The following NR3C2 variants were observed in gnomAD, a reference collection of about 807,000 sequenced individuals.
NR3C2 encodes the protein mineralocorticoid receptor.
NR3C2 carries 15 observed loss-of-function variants against 86.4 expected under a neutral mutation model. The observed-to-expected ratio is 0.17, with a 90% CI of 0.12 to 0.27. NR3C2 has a LOEUF of 0.27. Among genes scored for constraint, NR3C2 ranks in the 10% least tolerant of loss-of-function variants. The pLI, the probability that NR3C2 is intolerant of heterozygous loss-of-function variation, is 1.00. For synonymous variants in NR3C2, 458 were observed against 450.5 expected (o/e 1.02, Z -0.21); for missense variants, 960 against 1,195.6 (o/e 0.80, Z 2.91).
chr4:148,112,531 G>A (rs895055931), intron 8 of NR3C2, among the ~76,000 whole-genome samples: 2 of 152,196 alleles, frequency 1.3e-5, no homozygotes, highest in Non-Finnish European at 1.5e-5. Flanking sequence ...GAGTCATGAA[G>A]AGCATAATTT....
At chr4:148,363,785 G>A (rs1264026233) in intron 2 of NR3C2, among the ~76,000 whole-genome samples, 1 of 152,116 alleles carries the variant, frequency 6.6e-6, no homozygotes, top group Non-Finnish European at 1.5e-5. Flanking sequence ...TTACAGGCGT[G>A]AGCCACCGCG....
intron 2 of NR3C2, among the ~76,000 whole-genome samples, chr4:148,299,558 G>C (rs1742229295): frequency 6.6e-6 from 1 of 152,218 alleles, no homozygotes; most frequent in South Asian, 2.1e-4. Flanking sequence ...TGGCCCAAAG[G>C]CCTGTGTGGC....
At chr4:148,141,815 T>A (rs903816803) in intron 6 of NR3C2, among the ~76,000 whole-genome samples, 2 of 152,138 alleles carry the variant, frequency 1.3e-5, no homozygotes, top group African/African-American at 4.8e-5. Flanking sequence ...ATGCTCCTTA[T>A]GAGAATCTAA....
At chr4:148,286,548 T>C (rs901990599) in intron 2 of NR3C2, among the ~76,000 whole-genome samples, 2 of 152,244 alleles carry the variant, frequency 1.3e-5, no homozygotes, top group Non-Finnish European at 2.9e-5. Context: ...ACAGTCATTC[T>C]TGGCTCATCC....
Position 148,436,035 on chromosome 4 carries a change from G to A in NR3C2, c.826C>T (p.Pro276Ser). Residue 276 changes from proline (P) to serine (S), a missense_variant, in exon 2 of 9, where the codon CCA becomes TCA. Pro to Ser is a moderately conservative substitution (Grantham distance 74, BLOSUM62 -1). Around this residue, in one of 4 missense-constraint regions of NR3C2, gnomAD observed 680 missense variants for 719.0 expected, o/e 0.95. Coordinates refer to ENST00000358102, the MANE Select transcript of NR3C2 (RefSeq NM_000901.5). ...GGAGATTTTACACTGCAGTGACTTGGAGGGCTGGAAATTGAGGATTTCATG... is the reference window on the plus strand; with the variant it reads ...GGAGATTTTACACTGCAGTGACTTGAAGGGCTGGAAATTGAGGATTTCATG... ...SSMKSSISSP[P>S]SHCSVKSPVS... 6.2e-7 allele frequency: 1 copy of A among 1,614,174 alleles called. No homozygotes were observed. Among genetic ancestry groups the A allele is most frequent in the East Asian group, 2.2e-5 (1 of 44,884 alleles).
Position 148,400,284 on chromosome 4 carries a change from T to G in NR3C2, c.1757+34820A>C, listed in dbSNP as rs566990727. Among the ~76,000 whole-genome samples, 3 of 152,308 alleles carry G rather than the reference T, an allele frequency of 2.0e-5. No homozygotes were observed. The East Asian group carries it at 5.8e-4, about 29-fold the overall frequency. The stretch of plus-strand genomic sequence containing the variant: ...AGCTGGGTTGGAAACACAATTAGAC[T>G]GTTCTCTAGACTGCCTTCTACTTAC... On this transcript the variant is annotated intron_variant, in intron 2 of 8. Coordinates refer to ENST00000358102, the MANE Select transcript of NR3C2 (RefSeq NM_000901.5).
intron 3 of NR3C2, among the ~76,000 whole-genome samples, chr4:148,234,989 C>A (rs1738673446): frequency 1.3e-5 from 2 of 151,956 alleles, no homozygotes; most frequent in African/African-American, 2.4e-5. Flanking sequence ...CTAAACTATA[C>A]CTGCTGTTTT....
In NR3C2 at chr4:148,079,320, G is replaced by A. The variant is rs576125940; in HGVS notation, c.*2024C>T. On this transcript the variant is annotated 3_prime_UTR_variant, in exon 9 of 9. Transcript: ENST00000358102. ...ATTCCTGAAATTGCAAATTATGTAA[G>A]AAAAACTCCTCCCTCTGAGTGCAGC... is the stretch of plus-strand genomic sequence containing the variant. The A allele has an allele frequency of 6.6e-6, 1 of 152,266 alleles. No individual in the cohort carries two copies. The highest frequency in any genetic ancestry group is 2.1e-4 in the South Asian group (1 of 4,822). 9.4% of individuals were successfully genotyped at this position (152,266 alleles called of 1,614,324 possible). A position where few individuals can be genotyped will look rare whatever the true frequency, so the allele number is the denominator to read the frequency against.
intron 8 of NR3C2, among the ~76,000 whole-genome samples, chr4:148,096,851 CAG>C (rs1384349581): frequency 6.6e-6 from 1 of 152,200 alleles, no homozygotes; most frequent in Non-Finnish European, 1.5e-5. Flanking sequence ...GTGTGGCCCA[CAG>C]AGCCTAAACT....
At chr4:148,213,421 A>G (rs1041196827) in intron 3 of NR3C2, among the ~76,000 whole-genome samples, 1 of 152,224 alleles carries the variant, frequency 6.6e-6, no homozygotes, top group African/African-American at 2.4e-5. Flanking sequence ...CTGACCCCCA[A>G]TAATGATGGA....
intron 8 of NR3C2, among the ~76,000 whole-genome samples, chr4:148,112,407 T>C (rs954940703): frequency 2.6e-5 from 4 of 152,236 alleles, no homozygotes; most frequent in African/African-American, 4.8e-5. Flanking sequence ...GGCCTTTCAA[T>C]GAAATTAACA....
At chr4:148,168,249 T>C (rs933619302) in intron 4 of NR3C2, among the ~76,000 whole-genome samples, 4 of 152,190 alleles carry the variant, frequency 2.6e-5, no homozygotes, top group Admixed American at 2.0e-4. Flanking sequence ...CTCTTCCTTA[T>C]GGAAGGGGCA....
intron 2 of NR3C2, among the ~76,000 whole-genome samples, chr4:148,363,273 G>A (rs2137330): frequency 0.12 from 17,676 of 152,024 alleles, 1,100 homozygotes; most frequent in Middle Eastern, 0.16. Flanking sequence ...GGCTGTTGGC[G>A]TTGTCTGAAA....
chr4:148,344,159 TTCTC>T (rs945060219), intron 2 of NR3C2, among the ~76,000 whole-genome samples: 11 of 152,150 alleles, frequency 7.2e-5, no homozygotes, highest in Admixed American at 2.0e-4. Context: ...TCTACCCACT[TTCTC>T]TCTAAAATAA....
intron 2 of NR3C2, among the ~76,000 whole-genome samples, chr4:148,369,931 C>T (rs184232356): frequency 6.6e-5 from 10 of 152,360 alleles, no homozygotes; most frequent in African/African-American, 1.9e-4. Flanking sequence ...TTGATGGGCA[C>T]TGAGGGGCTG....
intron 2 of NR3C2, among the ~76,000 whole-genome samples, chr4:148,272,646 A>C (rs1740746448): frequency 6.6e-6 from 1 of 152,238 alleles, no homozygotes; most frequent in African/African-American, 2.4e-5. Flanking sequence ...TAAAAACGAT[A>C]ACTGTTAAGT....
At chr4:148,276,361 T>C (rs1410188132) in intron 2 of NR3C2, among the ~76,000 whole-genome samples, 2 of 152,208 alleles carry the variant, frequency 1.3e-5, no homozygotes, top group Non-Finnish European at 2.9e-5. Context: ...ACAACTCTGA[T>C]GTGCATCTTA....
At chr4:148,445,025 C>A (rs1211756229), upstream of NR3C2, 18 of 983,328 alleles carry the variant, frequency 1.8e-5, no homozygotes, top group Non-Finnish European at 2.2e-5. Flanking sequence ...CACGCCCTCA[C>A]GAGCGGGAGG....
chr4:148,318,415 G>A (rs2149947943), intron 2 of NR3C2, among the ~76,000 whole-genome samples: 1 of 149,998 alleles, frequency 6.7e-6, no homozygotes, highest in East Asian at 2.0e-4. Context: ...TGGGTCAAAT[G>A]GTATTTCCAG....
Sources: gnomAD v4.1 joint callset for allele counts (sites outside exome capture counted in the v4.1 genomes callset) on GRCh38, gnomAD v4.1.1 for gene constraint, gnomAD v4.1.1 regional missense constraint, MANE v1.5 for transcripts, NCBI Gene and HGNC (gene_info 2026-07-23, HGNC 2026-07-21) for gene names.